TANC2: variants seen among roughly 807,000 people sequenced by gnomAD.
TANC2 encodes the protein tetratricopeptide repeat, ankyrin repeat and coiled-coil containing 2.
TANC2 carries 26 observed loss-of-function variants against 210.5 expected under a neutral mutation model. That is an observed-to-expected ratio of 0.12 (90% confidence interval 0.09 to 0.17). The LOEUF (loss-of-function observed/expected upper bound fraction) is 0.17, where lower values mean the gene tolerates loss of function less well. Ranked by LOEUF, TANC2 falls within the 10% of genes least tolerant of loss-of-function variation. The pLI, the probability that TANC2 is intolerant of heterozygous loss-of-function variation, is 1.00. For synonymous variants in TANC2, 931 were observed against 967.1 expected, an observed-to-expected ratio of 0.96 and a Z score of 0.69; for missense variants, 2,129 against 2,608.9, an observed-to-expected ratio of 0.82 and a Z score of 4.01.
chr17:63,185,212 G>A (rs1297597960), intron 5 of TANC2, among the ~76,000 whole-genome samples: 1 of 151,514 alleles, frequency 6.6e-6, no homozygotes, highest in Non-Finnish European at 1.5e-5. Context: ...TGTCACCCAG[G>A]CTCGAATAGC....
chr17:63,356,985 G>C (rs578064676), intron 14 of TANC2, among the ~76,000 whole-genome samples: 2 of 152,100 alleles, frequency 1.3e-5, no homozygotes, highest in African/African-American at 2.4e-5. Flanking sequence ...ATCTTCTGCT[G>C]TTATCATTTT....
At chr17:63,020,327 A>T (rs1255166435) in intron 2 of TANC2, among the ~76,000 whole-genome samples, 3 of 152,066 alleles carry the variant, frequency 2.0e-5, no homozygotes, top group Non-Finnish European at 4.4e-5. Context: ...TTTTCAAGAC[A>T]GAGTCTTGCT....
rs1051327978 is a variant in TANC2 at position 63,077,138 on chromosome 17, T to C, written c.139+3124T>C. Among the ~76,000 whole-genome samples the C allele has an allele frequency of 8.5e-5, 13 of 152,234 alleles. No individual in the cohort carries two copies. In the East Asian group the frequency reaches 1.5e-3, roughly 18 times the overall value. ...CTGGAGCCAAACAGATCGTTCATGC[T>C]TCTGGGGGGTGGGAGGGAATGAGTT... On this transcript the variant is annotated intron_variant, in intron 3 of 27. Coordinates refer to ENST00000689528, the Ensembl canonical transcript of TANC2.
chr17:63,179,973 TAAAAAAAA>T (rs34426210), intron 5 of TANC2, among the ~76,000 whole-genome samples: 1 of 123,268 alleles, frequency 8.1e-6, no homozygotes, highest in Non-Finnish European at 1.7e-5. Flanking sequence ...TACATCTCTT[TAAAAAAAA>T]AAAAAAAAAA....
At chr17:63,198,873 A>T (rs2041436004) in intron 6 of TANC2, among the ~76,000 whole-genome samples, 1 of 152,196 alleles carries the variant, frequency 6.6e-6, no homozygotes, top group African/African-American at 2.4e-5. Flanking sequence ...TTCTCTGGAG[A>T]GATAACATAT....
intron 2 of TANC2, among the ~76,000 whole-genome samples, chr17:63,013,332 G>T (rs1474967727): frequency 6.6e-6 from 1 of 151,658 alleles, no homozygotes; most frequent in East Asian, 1.9e-4. Context: ...GGCTTCTTCC[G>T]TTTTTTTCTG....
intron 4 of TANC2, among the ~76,000 whole-genome samples, chr17:63,141,790 T>G (rs1463586207): frequency 1.3e-5 from 2 of 152,130 alleles, no homozygotes; most frequent in African/African-American, 4.8e-5. Context: ...ATTTAAATAC[T>G]CATTTTAAAA....
At chr17:63,354,981 C>A in exon 14 of TANC2, 1 of 1,613,824 alleles carries the variant, frequency 6.2e-7, no homozygotes, top group South Asian at 1.1e-5. Context: ...GACCCTCAGT[C>A]AAGGGTCCTA....
chr17:63,001,647 C>T (rs547579343), intron 1 of TANC2, among the ~76,000 whole-genome samples: 3 of 150,946 alleles, frequency 2.0e-5, no homozygotes, highest in Admixed American at 6.6e-5. Flanking sequence ...CGGGTTCAAG[C>T]GATTCTCCTG....
At chr17:63,394,022 T>G (rs554217736) in intron 17 of TANC2, among the ~76,000 whole-genome samples, 43 of 152,282 alleles carry the variant, frequency 2.8e-4, no homozygotes, top group Non-Finnish European at 4.9e-4. Flanking sequence ...TCCACCCGCC[T>G]CGGCCTCCCA....
intron 2 of TANC2, among the ~76,000 whole-genome samples, chr17:63,029,075 T>C (rs919140127): frequency 6.6e-6 from 1 of 152,150 alleles, no homozygotes; most frequent in Non-Finnish European, 1.5e-5. Flanking sequence ...TGTTCATCTC[T>C]TCATACAGTT....
At chr17:63,388,487 C>T in intron 15 of TANC2, 148 bp from the exon 16 acceptor site, 1 of 721,214 alleles carries the variant, frequency 1.4e-6, no homozygotes, top group Non-Finnish European at 2.2e-6. Flanking sequence ...CTTTGTCCCC[C>T]CACCTAGGCT....
chr17:63,255,903 C>CTTTTTT lies in TANC2; in HGVS notation c.1034-11828_1034-11823dup, dbSNP rs1170508286. The stretch of plus-strand genomic sequence containing the variant: ...TCATTAAGTTGTTTATTTGACTTTT[C>CTTTTTT]TTTTTTTTTTTTTTTTTTTTTTGAG... On this transcript the variant is annotated intron_variant, in intron 8 of 27. Transcript: ENST00000689528. Among the ~76,000 whole-genome samples the CTTTTTT allele has an allele frequency of 7.7e-3, 646 of 84,058 alleles. 4 individuals carry two copies. The highest frequency in any genetic ancestry group is 0.012 in the African/African-American group (250 of 20,466). The allele number at this position is 84,058 out of a possible 152,430, so 55.1% of individuals were successfully genotyped here.
intron 4 of TANC2, among the ~76,000 whole-genome samples, chr17:63,104,368 C>T (rs944839147): frequency 2.6e-5 from 4 of 152,052 alleles, no homozygotes; most frequent in Non-Finnish European, 4.4e-5. Context: ...ATATTATTTA[C>T]CCATTATGTA....
intron 6 of TANC2, among the ~76,000 whole-genome samples, chr17:63,198,061 G>C (rs968687782): frequency 5.3e-5 from 8 of 152,094 alleles, no homozygotes; most frequent in African/African-American, 1.7e-4. Flanking sequence ...AGTGCTGTTT[G>C]GGCTTAACCT....
At chr17:63,172,049 A>T (rs1330323423) in intron 5 of TANC2, among the ~76,000 whole-genome samples, 2 of 152,226 alleles carry the variant, frequency 1.3e-5, no homozygotes, top group East Asian at 3.8e-4. Context: ...TGAATTATCC[A>T]GTACAATAAC....
rs150897500 is a variant in TANC2, at chr17:63,273,673, A to G, written c.1159+5800A>G. Among the ~76,000 whole-genome samples the G allele has an allele frequency of 2.9e-3, 437 of 152,308 alleles. 1 individual carries two copies. Among genetic ancestry groups the G allele is most frequent in the African/African-American group, 0.01 (420 of 41,572 alleles). On this transcript the variant is annotated intron_variant, in intron 9 of 27. Coordinates refer to ENST00000689528, the Ensembl canonical transcript of TANC2. ...TTTAAAAACAAGTTTTGTTGGCTCT[A>G]CACCTCCAAAGAGCTCCCAAATCCA...
intron 12 of TANC2, among the ~76,000 whole-genome samples, chr17:63,341,814 G>A (rs1351460810): frequency 6.6e-6 from 1 of 152,142 alleles, no homozygotes; most frequent in Non-Finnish European, 1.5e-5. Context: ...ATTGCCTATT[G>A]CCTTCTGAAT....
In TANC2 at chr17:63,274,260, A is replaced by G. The variant is rs116693257; in HGVS notation, c.1159+6387A>G. The stretch of plus-strand genomic sequence containing the variant: ...GACAGCTGTTTTGAACAACTGTTCT[A>G]CAAAAATTGATATTTCCAGAAACCC... On this transcript the variant is annotated intron_variant, in intron 9 of 27. Transcript: ENST00000689528. Among the ~76,000 whole-genome samples, 687 of 151,810 alleles carry G rather than the reference A, an allele frequency of 4.5e-3. 6 individuals are homozygous for G. The highest frequency in any genetic ancestry group is 0.016 in the African/African-American group (657 of 41,302).
Sources: gnomAD v4.1 joint callset for allele counts (sites outside exome capture counted in the v4.1 genomes callset) on GRCh38, gnomAD v4.1.1 for gene constraint, MANE v1.5 for transcripts, NCBI Gene and HGNC (gene_info 2026-07-23, HGNC 2026-07-21) for gene names.